Variants in RIC8B observed in about 807,000 individuals in gnomAD.
The protein encoded by RIC8B is RIC8 guanine nucleotide exchange factor B, also known as chaperone Ric-8B.
Under a neutral mutation model 57.5 loss-of-function variants are expected in RIC8B, and 16 were observed. The observed-to-expected ratio is 0.28, with a 90% CI of 0.19 to 0.42. The LOEUF (loss-of-function observed/expected upper bound fraction) is 0.42, where lower values mean the gene tolerates loss of function less well. Ranked by LOEUF, RIC8B falls within the 10% of genes least tolerant of loss-of-function variation. The probability of loss-of-function intolerance (pLI) is 1.00; values close to 1 mark genes in which losing one functional copy is unlikely to be tolerated. For missense variants in RIC8B, 481 were observed against 677.0 expected (o/e 0.71, Z 3.21); for synonymous variants, 216 against 250.8 (o/e 0.86, Z 1.31).
chr12:106,856,995 T>G (rs1011240503), intron 7 of RIC8B, among the ~76,000 whole-genome samples: 1 of 152,082 alleles, frequency 6.6e-6, no homozygotes, highest in African/African-American at 2.4e-5. Flanking sequence ...GGAAGTAGCC[T>G]TGAATGTATA....
intron 1 of RIC8B, chr12:106,775,574 C>T (rs2043434602): frequency 6.4e-6 from 2 of 312,670 alleles, no homozygotes; most frequent in South Asian, 2.6e-5. Flanking sequence ...GGTTAAGTAA[C>T]TTGCCCAAGG....
intron 9 of RIC8B, among the ~76,000 whole-genome samples, chr12:106,877,949 C>T (rs891125323): frequency 2.6e-5 from 4 of 152,102 alleles, no homozygotes; most frequent in Non-Finnish European, 4.4e-5. Flanking sequence ...TCCCAATTAC[C>T]TTTATAAAGT....
intron 9 of RIC8B, among the ~76,000 whole-genome samples, chr12:106,874,183 G>C (rs141342365): frequency 1.3e-5 from 2 of 152,266 alleles, no homozygotes; most frequent in East Asian, 3.9e-4. Context: ...CGTTTGCTCT[G>C]TCCACTGTAC....
In RIC8B at chr12:106,867,127, A is replaced by G. The variant is rs1950175003; in HGVS notation, c.1452-3696A>G. On this transcript the variant is annotated intron_variant, in intron 8 of 9. Transcript: ENST00000392837. This position sits in a 1 kb window ranked among gnomAD's most constrained non-coding sequence, Gnocchi z 4.3. ...TTTGTTAAATGACCTAGTACTGTTG[A>G]TGTTGGCCAAAGGTAGCAAAAATTT... is the stretch of plus-strand genomic sequence containing the variant. Among the ~76,000 whole-genome samples the G allele has an allele frequency of 6.6e-6, 1 of 152,198 alleles. No individual in the cohort carries two copies. The highest frequency in any genetic ancestry group is 1.5e-5 in the Non-Finnish European group (1 of 68,032).
At chr12:106,877,819 A>AT (rs923610056) in intron 9 of RIC8B, among the ~76,000 whole-genome samples, 2 of 152,052 alleles carry the variant, frequency 1.3e-5, no homozygotes, top group African/African-American at 4.8e-5. Context: ...TGTTTTTGCA[A>AT]TTTTTTTTAA....
chr12:106,870,159 T>TA (rs1319568265), intron 8 of RIC8B, among the ~76,000 whole-genome samples: 1 of 152,068 alleles, frequency 6.6e-6, no homozygotes. Context: ...TTATGCAAAG[T>TA]ATTCATTTTA....
intron 6 of RIC8B, among the ~76,000 whole-genome samples, chr12:106,846,219 G>A (rs1357207483): frequency 1.3e-5 from 2 of 152,148 alleles, no homozygotes; most frequent in African/African-American, 4.8e-5. Flanking sequence ...GGTATCTCAA[G>A]TTTAACATAC....
chr12:106,870,565 A>G (rs1432232781), intron 8 of RIC8B, among the ~76,000 whole-genome samples: 3 of 151,980 alleles, frequency 2.0e-5, no homozygotes, highest in African/African-American at 4.8e-5. Flanking sequence ...TTAAAAAGCA[A>G]CCATGCCTCT....
At chr12:106,870,774 AAG>A (rs1302669445) in intron 8 of RIC8B, 47 bp from the exon 9 acceptor site, 1 of 1,394,534 alleles carries the variant, frequency 7.2e-7, no homozygotes, top group Non-Finnish European at 9.5e-7. Context: ...AAAGTATAGA[AAG>A]AGCATAATTT....
chr12:106,851,355 C>T, intron 6 of RIC8B, 95 bp from the exon 7 acceptor site: 1 of 804,400 alleles, frequency 1.2e-6, no homozygotes, highest in Middle Eastern at 3.7e-4. Flanking sequence ...AATACAAACC[C>T]CAGTAGACAT....
chr12:106,797,093 A>T (rs563229960), intron 2 of RIC8B, among the ~76,000 whole-genome samples: 1 of 152,322 alleles, frequency 6.6e-6, no homozygotes, highest in South Asian at 2.1e-4. Context: ...CACTTTGGAA[A>T]ACAGTCTGGT....
chr12:106,818,355 G>T (rs183661360), intron 3 of RIC8B, among the ~76,000 whole-genome samples: 2 of 152,030 alleles, frequency 1.3e-5, no homozygotes, highest in Admixed American at 1.3e-4. Flanking sequence ...TGGTAGAGAC[G>T]GGGTTTTACC....
intron 1 of RIC8B, among the ~76,000 whole-genome samples, chr12:106,780,576 C>T (rs772914812): frequency 7.2e-5 from 11 of 152,212 alleles, no homozygotes; most frequent in Non-Finnish European, 1.5e-4. Flanking sequence ...TTTGATTTCA[C>T]TCTGTGGGTT....
chr12:106,859,523 C>T (rs1949842626), intron 7 of RIC8B, among the ~76,000 whole-genome samples: 1 of 151,986 alleles, frequency 6.6e-6, no homozygotes, highest in African/African-American at 2.4e-5. Flanking sequence ...TGATTGTTTA[C>T]TTCTTGGTAG....
chr12:106,807,087 C>G (rs1361928205), intron 2 of RIC8B, among the ~76,000 whole-genome samples: 1 of 152,196 alleles, frequency 6.6e-6, no homozygotes, highest in Non-Finnish European at 1.5e-5. Flanking sequence ...TCAATTTTCC[C>G]TCTAAAATAC....
chr12:106,810,908 A>C (rs531774016), intron 2 of RIC8B, among the ~76,000 whole-genome samples: 2 of 152,312 alleles, frequency 1.3e-5, no homozygotes, highest in African/African-American at 4.8e-5. Context: ...TGAGGTCCAG[A>C]GACAAGTAAC....
At chr12:106,860,134 A>T in intron 7 of RIC8B, 134 bp from the exon 8 acceptor site, 3 of 760,250 alleles carry the variant, frequency 3.9e-6, no homozygotes, top group Non-Finnish European at 5.9e-6. Flanking sequence ...AACCACTACC[A>T]CATTTTGAAA....
At chr12:106,831,412 G>T (rs969384440) in intron 4 of RIC8B, among the ~76,000 whole-genome samples, 3 of 152,104 alleles carry the variant, frequency 2.0e-5, no homozygotes, top group African/African-American at 7.2e-5. Flanking sequence ...GTTTCCCCTG[G>T]TCAGTTCCCA....
At position 106,870,890 on chromosome 12, in the gene RIC8B, C is replaced by T; in HGVS notation, c.1519C>T (p.Gln507Ter). Residue 507 changes from glutamine (Q) to a stop codon, truncating the protein, a stop_gained, in exon 9 of 10, where the codon CAA becomes TAA. Transcript: ENST00000392837. LOFTEE classifies it high-confidence loss of function. Reference protein sequence around the residue: ...PNPIDEMTEEQKEYEAMKLVN... With the variant: ...PNPIDEMTEE ...CCCCATAGATGAAATGACAGAAGAA[C>T]AAAAAGAATATGAAGCCATGAAACT... is the stretch of plus-strand genomic sequence containing the variant. The T allele has an allele frequency of 6.5e-7, 1 of 1,547,600 alleles. No homozygotes were observed. Among genetic ancestry groups the T allele is most frequent in the Non-Finnish European group, 8.7e-7 (1 of 1,144,344 alleles).
Sources: gnomAD v4.1 joint callset for allele counts (sites outside exome capture counted in the v4.1 genomes callset) on GRCh38, gnomAD v4.1.1 for gene constraint, Gnocchi (gnomAD v3.1) non-coding constraint, MANE v1.5 for transcripts, NCBI Gene and HGNC (gene_info 2026-07-23, HGNC 2026-07-21) for gene names.